The following C19orf12 variants were observed in gnomAD, a reference collection of about 807,000 sequenced individuals.
C19orf12 encodes the protein protein C19orf12.
In C19orf12, 2 loss-of-function variants were observed where a neutral mutation model predicts 3.8. The ratio of observed to expected loss-of-function variants is 0.53; its 90% CI spans 0.22 to 1.66. The LOEUF is 1.66. C19orf12 is among the 40% of genes most tolerant of loss of function. The probability of loss-of-function intolerance (pLI) is 0.20; values close to 1 mark genes in which losing one functional copy is unlikely to be tolerated. For missense variants in C19orf12, 156 were observed against 188.8 expected (o/e 0.83, Z 1.02); for synonymous variants, 89 against 84.6 (o/e 1.05, Z -0.28).
chr19:29,703,404 G>A (rs187072788), intron 2 of C19orf12, among the ~76,000 whole-genome samples: 1 of 138,704 alleles, frequency 7.2e-6, no homozygotes, highest in African/African-American at 2.8e-5. Flanking sequence ...TTTTTGAGAC[G>A]GAGTCTTGCT....
chr19:29,712,629 G>A (rs954896239), intron 1 of C19orf12, among the ~76,000 whole-genome samples: 7 of 152,006 alleles, frequency 4.6e-5, no homozygotes, highest in African/African-American at 1.7e-4. Flanking sequence ...TCAGAAATTC[G>A]CACCTTATGT....
At chr19:29,712,081 C>T (rs1599553003) in intron 1 of C19orf12, among the ~76,000 whole-genome samples, 1 of 152,124 alleles carries the variant, frequency 6.6e-6, no homozygotes, top group Non-Finnish European at 1.5e-5. Flanking sequence ...TGGTGGGCCC[C>T]AGTAAGCACA....
In C19orf12 at chr19:29,708,285, A is replaced by C. The variant is rs1555715835; in HGVS notation, c.129T>G (p.Gly43=). 6.2e-7 allele frequency: 1 copy of C among 1,611,038 alleles called. No homozygotes were observed. The highest frequency in any genetic ancestry group is 8.5e-7 in the Non-Finnish European group (1 of 1,179,376). Residue 43 remains glycine (G), a synonymous_variant, in exon 2 of 3, where the codon GGT becomes GGG. Transcript: ENST00000323670. ...CGAGTCCCGGTGGGCCGCCCACCAAACCCCCGACGAAGGCCATGGCCCCTG... is the reference window on the plus strand; with the variant it reads ...CGAGTCCCGGTGGGCCGCCCACCAACCCCCCGACGAAGGCCATGGCCCCTG... The part of the protein sequence containing the change: ...LVTGAMAFVG[G]LVGGPPGLAV...
chr19:29,707,985 C>G (rs1972468161), intron 2 of C19orf12, among the ~76,000 whole-genome samples: 1 of 151,872 alleles, frequency 6.6e-6, no homozygotes, highest in African/African-American at 2.4e-5. Flanking sequence ...GATTCTCCTG[C>G]CTCAGCCTCC....
At chr19:29,698,905 T>C (rs1971926229), downstream of C19orf12, 1 of 372,622 alleles carries the variant, frequency 2.7e-6, no homozygotes, top group South Asian at 1.9e-5. Context: ...ATCCAGCAAT[T>C]TCACTTTGAG....
intron 1 of C19orf12, among the ~76,000 whole-genome samples, chr19:29,710,729 G>A (rs1972622629): frequency 6.6e-6 from 1 of 152,094 alleles, no homozygotes. Context: ...CTGTGCCCTG[G>A]GTCTCCCAAA....
At chr19:29,704,389 G>A (rs1350668697) in intron 2 of C19orf12, among the ~76,000 whole-genome samples, 9 of 152,126 alleles carry the variant, frequency 5.9e-5, no homozygotes, top group East Asian at 1.9e-4. Context: ...ACTTGAACCC[G>A]GGAGGCAGAG....
At chr19:29,706,995 C>T (rs1237843872) in intron 2 of C19orf12, among the ~76,000 whole-genome samples, 1 of 152,226 alleles carries the variant, frequency 6.6e-6, no homozygotes, top group Admixed American at 6.5e-5. Flanking sequence ...TTCATCCCAG[C>T]TCCAAGGAAC....
intron 1 of C19orf12, among the ~76,000 whole-genome samples, chr19:29,712,144 G>A (rs567996493): frequency 2.8e-4 from 42 of 152,126 alleles, no homozygotes; most frequent in Non-Finnish European, 5.1e-4. Context: ...GGTGGCTCAC[G>A]CTTGTAATCC....
At chr19:29,708,496 C>A (rs151297270) in intron 1 of C19orf12, 73 bp from the exon 2 acceptor site, 2 of 1,575,458 alleles carry the variant, frequency 1.3e-6, no homozygotes, top group South Asian at 1.1e-5. Flanking sequence ...CACTCTAGTT[C>A]CTAGAGTTTT....
intron 1 of C19orf12, among the ~76,000 whole-genome samples, chr19:29,709,263 C>T (rs972397669): frequency 2.0e-5 from 3 of 152,174 alleles, no homozygotes; most frequent in Admixed American, 2.0e-4. Context: ...GCACAATGAC[C>T]TTTAGCACAA....
At position 29,700,452 on chromosome 19, in the gene C19orf12, T is replaced by C; in HGVS notation, c.*2260A>G. 2.2e-6 allele frequency: 1 copy of C among 454,088 alleles called. No homozygotes were observed. Among genetic ancestry groups the C allele is most frequent in the South Asian group, 1.6e-5 (1 of 64,480 alleles). 28.1% of individuals were successfully genotyped at this position (454,088 alleles called of 1,614,324 possible). On this transcript the variant is annotated 3_prime_UTR_variant, in exon 3 of 3. Coordinates refer to ENST00000323670, the MANE Select transcript of C19orf12 (RefSeq NM_031448.6). ...GCAACTTTAGAGCCCACTAAAGCTATACAAAATTGGGAGGGGGCATGCTCT... is the reference window on the plus strand; with the variant it reads ...GCAACTTTAGAGCCCACTAAAGCTACACAAAATTGGGAGGGGGCATGCTCT...
intron 2 of C19orf12, among the ~76,000 whole-genome samples, chr19:29,707,600 C>T (rs922069893): frequency 2.6e-5 from 4 of 152,192 alleles, no homozygotes; most frequent in African/African-American, 9.6e-5. Flanking sequence ...ACCCTGGTAT[C>T]TTCAGAGGCC....
Position 29,701,007 on chromosome 19 carries a change from T to C in C19orf12, c.*1705A>G. The C allele has an allele frequency of 2.2e-6, 1 of 454,102 alleles. No homozygotes were observed. The highest frequency in any genetic ancestry group is 4.4e-6 in the Non-Finnish European group (1 of 226,790). The allele number at this position is 454,102 out of a possible 1,614,324, so 28.1% of individuals were successfully genotyped here. A position where few individuals can be genotyped will look rare whatever the true frequency, so the allele number is the denominator to read the frequency against. ...CTTGGCCTCAAGCGATCCTCCCACT[T>C]TGGCCTCCAAAAGTGCCGACATTAC... On this transcript the variant is annotated 3_prime_UTR_variant, in exon 3 of 3. Transcript: ENST00000323670.
At chr19:29,714,851 C>G (rs1265402796) in intron 1 of C19orf12, 3 of 680,158 alleles carry the variant, frequency 4.4e-6, no homozygotes, top group African/African-American at 1.9e-5. Context: ...GCCTACGCCA[C>G]TCCTGGGTGA....
upstream of C19orf12, chr19:29,715,282 C>T (rs1348373016): frequency 2.5e-6 from 1 of 402,356 alleles, no homozygotes; most frequent in Non-Finnish European, 4.8e-6. Context: ...TCCGTCCCAC[C>T]TTCCGGCTGC....
At chr19:29,713,660 T>C (rs1972799792) in intron 1 of C19orf12, among the ~76,000 whole-genome samples, 1 of 152,226 alleles carries the variant, frequency 6.6e-6, no homozygotes, top group African/African-American at 2.4e-5. Flanking sequence ...TCATAGTTGT[T>C]GTTTTTTTAA....
At position 29,702,808 on chromosome 19, in the gene C19orf12, C is replaced by T. The variant is rs776713820; in HGVS notation, c.330G>A (p.Leu110=). The T allele has an allele frequency of 6.2e-7, 1 of 1,613,906 alleles. No homozygotes were observed. The highest frequency in any genetic ancestry group is 8.5e-7 in the Non-Finnish European group (1 of 1,179,888). The change falls in exon 3 of 3, where the codon CTG becomes CTA. Residue 110 remains leucine (L), a synonymous_variant. Coordinates refer to ENST00000323670, the MANE Select transcript of C19orf12 (RefSeq NM_031448.6). ...EWTDAVQLTA[L]VMGSEALQQQ... is the part of the protein sequence containing the mutation. ...GCTGCAGGGCCTCGCTGCCCATGAC[C>T]AGCGCGGTCAGCTGCACGGCGTCCG...
At position 29,700,831 on chromosome 19, in the gene C19orf12, C is replaced by G. The variant is rs1972046198; in HGVS notation, c.*1881G>C. ...CCAGGATACTGAGCTTTCCTATAAG[C>G]AGGGCCTCAGCAGAAGTGCCTCCCT... On this transcript the variant is annotated 3_prime_UTR_variant, in exon 3 of 3. Transcript: ENST00000323670. 1 of 453,994 alleles carries G rather than the reference C, an allele frequency of 2.2e-6. No homozygotes were observed. 28.1% of individuals were successfully genotyped at this position (453,994 alleles called of 1,614,324 possible).
Sources: gnomAD v4.1 joint callset for allele counts (sites outside exome capture counted in the v4.1 genomes callset) on GRCh38, gnomAD v4.1.1 for gene constraint, MANE v1.5 for transcripts, NCBI Gene and HGNC (gene_info 2026-07-23, HGNC 2026-07-21) for gene names.